Variants in REDIC1 observed in about 807,000 individuals in gnomAD.
The protein encoded by REDIC1 is HEI10 Interacting Protein 1.
chr12:39,848,968 T>A, the REDIC1 span, among the ~76,000 whole-genome samples: 5 of 151,994 alleles, frequency 3.3e-5, no homozygotes, highest in African/African-American at 1.2e-4. Flanking sequence ...GGGAGCTAAA[T>A]GATAAGAACT....
At chr12:39,654,066 G>T in the REDIC1 span, among the ~76,000 whole-genome samples, 5 of 140,268 alleles carry the variant, frequency 3.6e-5, no homozygotes, top group South Asian at 4.7e-4. Flanking sequence ...TTATGATGTT[G>T]TTTTTTTTAA....
the REDIC1 span, among the ~76,000 whole-genome samples, chr12:39,858,890 C>T: frequency 1.5e-4 from 23 of 152,116 alleles, no homozygotes; most frequent in East Asian, 1.5e-3. Context: ...ACAGGTGTGA[C>T]GCACCGTGCC....
At chr12:39,721,153 A>G in the REDIC1 span, 7 of 1,613,614 alleles carry the variant, frequency 4.3e-6, no homozygotes, top group Admixed American at 1.7e-5. Context: ...TTCAAAATGT[A>G]CATGTAGAAG....
chr12:39,720,935 A>C, the REDIC1 span: 1 of 1,613,744 alleles, frequency 6.2e-7, no homozygotes, highest in South Asian at 1.1e-5. Flanking sequence ...GACAAAATTC[A>C]CAAACAGAAT....
the REDIC1 span, among the ~76,000 whole-genome samples, chr12:39,794,123 CAAAAAAA>C: frequency 2.6e-5 from 2 of 78,370 alleles, no homozygotes; most frequent in Non-Finnish European, 4.7e-5. Flanking sequence ...GGCCAAATTG[CAAAAAAA>C]AAAAAAAAAA....
chr12:39,866,485 G>T, the REDIC1 span, among the ~76,000 whole-genome samples: 2 of 152,162 alleles, frequency 1.3e-5, no homozygotes, highest in East Asian at 1.9e-4. Flanking sequence ...GTATTTGAAA[G>T]ATTTTTTTTT....
the REDIC1 span, among the ~76,000 whole-genome samples, chr12:39,799,219 A>G: frequency 6.2e-5 from 9 of 145,870 alleles, no homozygotes; most frequent in South Asian, 8.9e-4. Context: ...ACTCTCGAGT[A>G]GCTGGGACTA....
At chr12:39,649,682 G>C in the REDIC1 span, among the ~76,000 whole-genome samples, 3 of 148,224 alleles carry the variant, frequency 2.0e-5, no homozygotes, top group African/African-American at 7.5e-5. Flanking sequence ...ATAAATTATT[G>C]TTGAATAGAT....
the REDIC1 span, among the ~76,000 whole-genome samples, chr12:39,665,392 G>A: frequency 6.6e-6 from 1 of 152,012 alleles, no homozygotes; most frequent in Non-Finnish European, 1.5e-5. Flanking sequence ...TAGATGTGTG[G>A]CATTATTTCT....
the REDIC1 span, among the ~76,000 whole-genome samples, chr12:39,674,905 G>A: frequency 6.6e-6 from 1 of 152,182 alleles, no homozygotes; most frequent in African/African-American, 2.4e-5. Flanking sequence ...CAGAATCTTG[G>A]CGGTGGGGTG....
chr12:39,652,731 G>C, the REDIC1 span, among the ~76,000 whole-genome samples: 1 of 152,000 alleles, frequency 6.6e-6, no homozygotes, highest in Non-Finnish European at 1.5e-5. Flanking sequence ...GATTCATTTT[G>C]AGTTAATTTT....
chr12:39,814,144 G>A, the REDIC1 span, among the ~76,000 whole-genome samples: 1 of 152,160 alleles, frequency 6.6e-6, no homozygotes, highest in Admixed American at 6.5e-5. Flanking sequence ...AATTTAAAAT[G>A]TGAGGTCTGG....
the REDIC1 span, among the ~76,000 whole-genome samples, chr12:39,790,780 C>T: frequency 1.7e-5 from 1 of 60,604 alleles, no homozygotes; most frequent in African/African-American, 6.4e-5. Context: ...TTCTAGATCC[C>T]TGAGGAATCG....
chr12:39,763,157 G>A, the REDIC1 span, among the ~76,000 whole-genome samples: 5 of 151,866 alleles, frequency 3.3e-5, no homozygotes, highest in Admixed American at 6.6e-5. Flanking sequence ...TGAATTTATC[G>A]AAAAATTTTA....
At chr12:39,741,381 A>T in the REDIC1 span, among the ~76,000 whole-genome samples, 10 of 152,220 alleles carry the variant, frequency 6.6e-5, no homozygotes, top group Non-Finnish European at 1.2e-4. Context: ...CCTGAGCATC[A>T]TCTTGTTGGA....
At chr12:39,713,018 T>C in the REDIC1 span, among the ~76,000 whole-genome samples, 5 of 139,702 alleles carry the variant, frequency 3.6e-5, no homozygotes, top group African/African-American at 5.7e-5. Context: ...TATACATGTG[T>C]ATATACGTGT....
the REDIC1 span, among the ~76,000 whole-genome samples, chr12:39,703,732 A>G: frequency 6.6e-6 from 1 of 152,202 alleles, no homozygotes; most frequent in South Asian, 2.1e-4. Flanking sequence ...CAAAAGAGAG[A>G]TATAGATTAG....
At chr12:39,655,059 G>A in the REDIC1 span, among the ~76,000 whole-genome samples, 1 of 152,102 alleles carries the variant, frequency 6.6e-6, no homozygotes, top group Non-Finnish European at 1.5e-5. Context: ...TTTAGTTTCT[G>A]TAAGATTGGT....
At chr12:39,717,678 A>C in the REDIC1 span, among the ~76,000 whole-genome samples, 1 of 152,076 alleles carries the variant, frequency 6.6e-6, no homozygotes, top group Non-Finnish European at 1.5e-5. Context: ...AAAATGTTTT[A>C]ATATGGTACC....
Sources: allele counts gnomAD v4.1 joint callset (sites outside exome capture counted in the v4.1 genomes callset), GRCh38; gene constraint gnomAD v4.1.1; transcripts MANE v1.5; gene names NCBI Gene and HGNC (gene_info 2026-07-23, HGNC 2026-07-21).